Variants in CACNA1I observed in about 807,000 individuals in gnomAD.
The protein encoded by CACNA1I is voltage-dependent T-type calcium channel subunit alpha-1I.
Under a neutral mutation model 201.6 loss-of-function variants are expected in CACNA1I, and 74 were observed. That is an observed-to-expected ratio of 0.37 (90% CI 0.30 to 0.45). The LOEUF (loss-of-function observed/expected upper bound fraction) is 0.45, where lower values mean the gene tolerates loss of function less well. Among genes scored for constraint, CACNA1I ranks in the 20% least tolerant of loss-of-function variants. The pLI, the probability that CACNA1I is intolerant of heterozygous loss-of-function variation, is 1.00. For missense variants in CACNA1I, 2,346 were observed against 3,138.1 expected (o/e 0.75, Z 6.03); for synonymous variants, 1,431 against 1,345.2 (o/e 1.06, Z -1.40).
chr22:39,682,226 G>A (rs1784069430), intron 34 of CACNA1I, among the ~76,000 whole-genome samples: 1 of 152,204 alleles, frequency 6.6e-6, no homozygotes, highest in Non-Finnish European at 1.5e-5. Flanking sequence ...GTCTTCTGAT[G>A]CCTTCGCCAG....
intron 24 of CACNA1I, 41 bp downstream of exon 24, chr22:39,668,422 G>C (rs759571322): frequency 7.6e-7 from 1 of 1,319,572 alleles, no homozygotes; most frequent in Non-Finnish European, 1.1e-6. Flanking sequence ...GATGCAGGGA[G>C]GAACATGGTG....
chr22:39,612,412 A>G (rs924539236), intron 3 of CACNA1I, among the ~76,000 whole-genome samples: 2 of 152,224 alleles, frequency 1.3e-5, no homozygotes, highest in African/African-American at 4.8e-5. Context: ...GTGCTCTAAC[A>G]AAATACCATA....
chr22:39,626,519 T>C (rs1032094464), intron 4 of CACNA1I, among the ~76,000 whole-genome samples: 2 of 151,816 alleles, frequency 1.3e-5, no homozygotes, highest in African/African-American at 2.4e-5. Flanking sequence ...ATCGTGTGGG[T>C]GGGCAGGGGA....
chr22:39,596,906 C>G (rs1601804931), intron 1 of CACNA1I, among the ~76,000 whole-genome samples: 1 of 152,140 alleles, frequency 6.6e-6, no homozygotes. Context: ...GAGCCCCTTT[C>G]TGTCTCCTGA....
rs1223367434 is a variant in CACNA1I at position 39,641,269 on chromosome 22, G to A, written c.1056+87G>A. ...AGGGCTCTGTGCTAGGCATTTGCCAGCCCTCATCTCACTGAAACCTGCCCA... is the reference window on the plus strand; with the variant it reads ...AGGGCTCTGTGCTAGGCATTTGCCAACCCTCATCTCACTGAAACCTGCCCA... On this transcript the variant is annotated intron_variant, in intron 6 of 36. Coordinates refer to ENST00000402142, the MANE Select transcript of CACNA1I (RefSeq NM_021096.4). The A allele has an allele frequency of 4.3e-6, 5 of 1,170,280 alleles. No homozygotes were observed. In the Admixed American group the frequency reaches 1.1e-4, roughly 25 times the overall value. 72.5% of individuals were successfully genotyped at this position (1,170,280 alleles called of 1,614,324 possible).
chr22:39,684,265 C>T lies in CACNA1I; in HGVS notation c.5831-37C>T, dbSNP rs370194189. ...TCCAGGGGCTGCCCCCTGGCCTGAG[C>T]GTGCTCCCTCAGCTCTGTCTTCTCC... On this transcript the variant is annotated intron_variant, in intron 35 of 36. Transcript: ENST00000402142. The surrounding 1 kb of genome is among the most constrained non-coding windows in gnomAD (Gnocchi z 4.6). 109 of 1,593,106 alleles carry T rather than the reference C, an allele frequency of 6.8e-5. No individual in the cohort carries two copies. The highest frequency in any genetic ancestry group is 1.2e-4 in the African/African-American group (9 of 74,648).
chr22:39,610,880 G>T (rs941916263), intron 3 of CACNA1I, among the ~76,000 whole-genome samples: 6 of 152,152 alleles, frequency 3.9e-5, no homozygotes, highest in African/African-American at 1.4e-4. Flanking sequence ...AATCAGTCCT[G>T]GGAACTGAGC....
intron 4 of CACNA1I, among the ~76,000 whole-genome samples, chr22:39,633,728 A>T (rs2146411358): frequency 6.6e-6 from 1 of 152,384 alleles, no homozygotes; most frequent in Middle Eastern, 3.4e-3. Context: ...AGAGGTGGGC[A>T]GTATGGACTC....
At chr22:39,620,978 G>A (rs1355054244) in intron 4 of CACNA1I, among the ~76,000 whole-genome samples, 1 of 152,044 alleles carries the variant, frequency 6.6e-6, no homozygotes, top group Non-Finnish European at 1.5e-5. Flanking sequence ...GGCTGGTCTC[G>A]AACTCCTGAC....
intron 5 of CACNA1I, among the ~76,000 whole-genome samples, chr22:39,636,260 G>A (rs186485321): frequency 7.9e-5 from 12 of 152,306 alleles, no homozygotes; most frequent in Admixed American, 2.0e-4. Context: ...GCCCTGTCTC[G>A]GCTGCAAAAG....
intron 4 of CACNA1I, among the ~76,000 whole-genome samples, chr22:39,630,497 C>T (rs1458398760): frequency 6.6e-6 from 1 of 152,164 alleles, no homozygotes; most frequent in Non-Finnish European, 1.5e-5. Flanking sequence ...CATTCACTCG[C>T]CCACCGCTCC....
intron 3 of CACNA1I, among the ~76,000 whole-genome samples, chr22:39,611,921 A>T (rs1933397687): frequency 6.6e-6 from 1 of 152,128 alleles, no homozygotes; most frequent in Non-Finnish European, 1.5e-5. Flanking sequence ...TTGGTTTCAG[A>T]GCGTCAGTCA....
At chr22:39,624,815 C>G (rs553961252) in intron 4 of CACNA1I, among the ~76,000 whole-genome samples, 1 of 152,140 alleles carries the variant, frequency 6.6e-6, no homozygotes, top group African/African-American at 2.4e-5. Context: ...TCATAGTTGC[C>G]TGGTTTTTTT....
At chr22:39,673,891 T>C in intron 28 of CACNA1I, 72 bp from the exon 29 acceptor site, 1 of 1,440,182 alleles carries the variant, frequency 6.9e-7, no homozygotes, top group South Asian at 1.2e-5. Context: ...TTTACACACG[T>C]GCACACATGC....
rs1601507860 is a variant in CACNA1I at position 39,660,454 on chromosome 22, T to C, written c.2698+17T>C. 2 of 1,588,304 alleles carry C rather than the reference T, an allele frequency of 1.3e-6. No homozygotes were observed. Among genetic ancestry groups the C allele is most frequent in the Non-Finnish European group, 1.7e-6 (2 of 1,161,610 alleles). ...GCAGCGGAGGTAAACAGGCCCTCGC[T>C]TGTCACCTAGAGAGCCCAGAGCCTT... On this transcript the variant is annotated intron_variant, in intron 15 of 36. Transcript: ENST00000402142.
Position 39,686,385 on chromosome 22 carries a change from G to A in CACNA1I, c.6652G>A (p.Ala2218Thr), listed in dbSNP as rs1935879653. 2 of 1,289,176 alleles carry A rather than the reference G, an allele frequency of 1.6e-6. No individual in the cohort carries two copies. Among genetic ancestry groups the A allele is most frequent in the Admixed American group, 4.1e-5 (1 of 24,298 alleles). 79.9% of individuals were successfully genotyped at this position (1,289,176 alleles called of 1,614,324 possible). The change falls in exon 37 of 37, where the codon GCC (alanine) becomes ACC (threonine). Residue 2218 changes from alanine to threonine, a missense_variant. Physicochemically the swap from Ala to Thr is moderately conservative, Grantham distance 58. Transcript: ENST00000402142. ...LPGELEPGDA[A>T]SKRKR The stretch of plus-strand genomic sequence containing the variant: ...CGGAGAGCTGGAGCCGGGAGACGCC[G>A]CCAGCAAGAGGAAGAGATGAGGGTC...
chr22:39,612,357 T>C (rs1933409273), intron 3 of CACNA1I, among the ~76,000 whole-genome samples: 1 of 152,240 alleles, frequency 6.6e-6, no homozygotes. Context: ...GCTTCTGTTA[T>C]AGCAGCAGAA....
intron 2 of CACNA1I, among the ~76,000 whole-genome samples, chr22:39,599,777 G>C (rs1426859461): frequency 6.6e-6 from 1 of 152,204 alleles, no homozygotes; most frequent in Non-Finnish European, 1.5e-5. Flanking sequence ...TGAGTTCACC[G>C]AACAAGCACC....
intron 3 of CACNA1I, among the ~76,000 whole-genome samples, chr22:39,616,859 C>A (rs9306338): frequency 6.6e-6 from 1 of 152,074 alleles, no homozygotes; most frequent in Non-Finnish European, 1.5e-5. Flanking sequence ...GTCCCCCAGC[C>A]TATCCTGGGG....
Sources: allele counts gnomAD v4.1 joint callset (sites outside exome capture counted in the v4.1 genomes callset), GRCh38; gene constraint gnomAD v4.1.1; non-coding constraint Gnocchi (gnomAD v3.1); transcripts MANE v1.5; gene names NCBI Gene and HGNC (gene_info 2026-07-23, HGNC 2026-07-21).